Variants in ANAPC7 observed in about 807,000 individuals in gnomAD.
ANAPC7 encodes the protein anaphase promoting complex subunit 7.
A neutral mutation model predicts 63.3 loss-of-function variants in ANAPC7; 25 were observed. The observed-to-expected ratio is 0.39, with a 90% CI of 0.29 to 0.55. The LOEUF (loss-of-function observed/expected upper bound fraction) is 0.55. ANAPC7 is among the 20% of genes least tolerant of loss of function. The pLI is 0.57. For missense variants in ANAPC7, 516 were observed against 691.7 expected (o/e 0.75, Z 2.85); for synonymous variants, 241 against 251.7 (o/e 0.96, Z 0.40).
At chr12:110,393,791 C>A (rs193006432) in intron 3 of ANAPC7, among the ~76,000 whole-genome samples, 2 of 147,428 alleles carry the variant, frequency 1.4e-5, no homozygotes, top group Non-Finnish European at 3.0e-5. Flanking sequence ...TGCTTGAACC[C>A]GGGAGGCAGA....
At chr12:110,396,497 A>T in intron 1 of ANAPC7, 45 bp from the exon 2 acceptor site, 1 of 1,460,994 alleles carries the variant, frequency 6.8e-7, no homozygotes, top group South Asian at 1.3e-5. Flanking sequence ...CTCCCTTTCA[A>T]TCCAAGCTCC....
In ANAPC7 at chr12:110,373,494, T is replaced by C. The variant is rs1298623056; in HGVS notation, c.*650A>G. 1 of 152,142 alleles carries C rather than the reference T, an allele frequency of 6.6e-6. No individual in the cohort carries two copies. The highest frequency in any genetic ancestry group is 6.5e-5 in the Admixed American group (1 of 15,278). The allele number at this position is 152,142 out of a possible 1,614,324, so 9.4% of individuals were successfully genotyped here. The stretch of plus-strand genomic sequence containing the variant: ...CCAACACCATGACTGTACAAACCAG[T>C]TTTATTAGGGAACTGCCCCAGGTGC... On this transcript the variant is annotated 3_prime_UTR_variant, in exon 11 of 11. Transcript: ENST00000455511.
At chr12:110,394,561 G>A (rs1170282498) in intron 3 of ANAPC7, among the ~76,000 whole-genome samples, 1 of 151,034 alleles carries the variant, frequency 6.6e-6, no homozygotes, top group Non-Finnish European at 1.5e-5. Context: ...CTTGGGAGAT[G>A]GAGGTTGCAG....
chr12:110,388,797 T>C (rs756863104), intron 3 of ANAPC7, among the ~76,000 whole-genome samples, 174 bp from the exon 4 acceptor site: 12 of 152,118 alleles, frequency 7.9e-5, no homozygotes, highest in Non-Finnish European at 1.6e-4. Flanking sequence ...AAAGAAGAAA[T>C]TGGCCAGGTG....
At chr12:110,393,895 G>A (rs547178458) in intron 3 of ANAPC7, among the ~76,000 whole-genome samples, 2 of 146,226 alleles carry the variant, frequency 1.4e-5, no homozygotes, top group East Asian at 4.1e-4. Context: ...AAAAATAGCC[G>A]GACATGGTGG....
Position 110,373,927 on chromosome 12 carries a change from G to T in ANAPC7, c.*217C>A. Reference sequence around the variant, plus strand: ...TCGGGGCACTCCCTCAGTCCTCCCTGGCTGGAGCAGGGGAGGATGGAGATA... The same window carrying T: ...TCGGGGCACTCCCTCAGTCCTCCCTTGCTGGAGCAGGGGAGGATGGAGATA... On this transcript the variant is annotated 3_prime_UTR_variant, in exon 11 of 11. Transcript: ENST00000455511. The T allele has an allele frequency of 2.1e-6, 1 of 485,750 alleles. No individual in the cohort carries two copies. Among genetic ancestry groups the T allele is most frequent in the Non-Finnish European group, 3.5e-6 (1 of 286,916 alleles). 30.1% of individuals were successfully genotyped at this position (485,750 alleles called of 1,614,324 possible). A position where few individuals can be genotyped will look rare whatever the true frequency, so the allele number is the denominator to read the frequency against.
At chr12:110,377,136 C>CAAA (rs35149960) in intron 9 of ANAPC7, among the ~76,000 whole-genome samples, 14 of 46,382 alleles carry the variant, frequency 3.0e-4, no homozygotes, top group Non-Finnish European at 4.4e-4. Flanking sequence ...GATGCCGTCT[C>CAAA]AAAAAAAAAA....
intron 4 of ANAPC7, 103 bp downstream of exon 4, chr12:110,388,409 G>C: frequency 1.2e-5 from 10 of 805,448 alleles, no homozygotes; most frequent in Non-Finnish European, 2.0e-5. Flanking sequence ...CTCTTCAGGG[G>C]AACTTTTAAA....
At chr12:110,388,048 CTTTTT>C (rs1273344396) in intron 4 of ANAPC7, among the ~76,000 whole-genome samples, 156 bp from the exon 5 acceptor site, 1 of 152,106 alleles carries the variant, frequency 6.6e-6, no homozygotes, top group African/African-American at 2.4e-5. Context: ...TATTTCTTTT[CTTTTT>C]GAGACAGTGT....
chr12:110,403,127 G>T (rs1256315344), intron 1 of ANAPC7, among the ~76,000 whole-genome samples: 9 of 152,148 alleles, frequency 5.9e-5, no homozygotes, highest in Non-Finnish European at 7.4e-5. Context: ...GGGGGCTAGC[G>T]CATAAAAACC....
At position 110,400,965 on chromosome 12, in the gene ANAPC7, G is replaced by A. The variant is rs537709868; in HGVS notation, c.101+2562C>T. Among the ~76,000 whole-genome samples the A allele has an allele frequency of 1.8e-4, 27 of 152,062 alleles. No individual in the cohort carries two copies. In the South Asian group the frequency reaches 5.2e-3, roughly 29 times the overall value. On this transcript the variant is annotated intron_variant, in intron 1 of 10. Coordinates refer to ENST00000455511, the MANE Select transcript of ANAPC7 (RefSeq NM_016238.3). ...CTCAGGAGGCTGAGGTGGGAGGATC[G>A]ATTGAGCCTGGGAGGTGGAGGCTGT...
chr12:110,397,008 C>A lies in ANAPC7; in HGVS notation c.102-556G>T, dbSNP rs544914094. Among the ~76,000 whole-genome samples, 1,041 of 150,792 alleles carry A rather than the reference C, an allele frequency of 6.9e-3. 1 individual carries two copies. Among genetic ancestry groups the A allele is most frequent in the Non-Finnish European group, 9.4e-3 (639 of 67,696 alleles). On this transcript the variant is annotated intron_variant, in intron 1 of 10. Transcript: ENST00000455511. ...CTCGAGGTCAGGAGATCGAGACCAT[C>A]CTGGCTAACGCGGTGAAACCCCATC... is the stretch of plus-strand genomic sequence containing the variant.
chr12:110,387,263 G>GAGAGAGAGAGAGAC, intron 5 of ANAPC7: 1 of 116,584 alleles, frequency 8.6e-6, no homozygotes, highest in African/African-American at 3.4e-5. Context: ...GACAGAGAGA[G>GAGAGAGAGAGAGAC]AGAGAGAGAG....
chr12:110,394,843 C>G (rs1883432635), intron 3 of ANAPC7, among the ~76,000 whole-genome samples: 2 of 151,442 alleles, frequency 1.3e-5, no homozygotes, highest in South Asian at 4.2e-4. Context: ...GACTCTGTCT[C>G]AAAAAATATT....
rs1881386899 is a variant in ANAPC7, at chr12:110,377,379, T to C, written c.1357+14A>G. On this transcript the variant is annotated intron_variant, in intron 9 of 10. Transcript: ENST00000455511. ...AATTAATGATGAACAGGACAGAAAA[T>C]AAGACACACTTACTAAGTAGTTCTG... 1.9e-6 allele frequency: 3 copies of C among 1,606,166 alleles called. No individual in the cohort carries two copies. In the Admixed American group the frequency reaches 5.0e-5, roughly 27 times the overall value.
chr12:110,383,182 T>C, intron 6 of ANAPC7: 1 of 437,970 alleles, frequency 2.3e-6, no homozygotes, highest in Non-Finnish European at 4.1e-6. Flanking sequence ...CTCACACCTG[T>C]AATTCCAGCA....
chr12:110,393,209 TA>T (rs1883253456), intron 3 of ANAPC7, among the ~76,000 whole-genome samples: 1 of 152,192 alleles, frequency 6.6e-6, no homozygotes, highest in Admixed American at 6.6e-5. Flanking sequence ...CTTACAGTAT[TA>T]ATTTTCAAAA....
At chr12:110,395,440 G>A (rs1277940387) in intron 2 of ANAPC7, among the ~76,000 whole-genome samples, 1 of 151,562 alleles carries the variant, frequency 6.6e-6, no homozygotes, top group African/African-American at 2.4e-5. Context: ...TTGGCCTTCT[G>A]AGTACTACAG....
intron 3 of ANAPC7, among the ~76,000 whole-genome samples, chr12:110,389,223 C>G (rs1882890930): frequency 6.6e-6 from 1 of 151,970 alleles, no homozygotes; most frequent in Admixed American, 6.6e-5. Context: ...CCTCTGGAAA[C>G]TGGAATAACA....
Sources: gnomAD v4.1 joint callset for allele counts (sites outside exome capture counted in the v4.1 genomes callset) on GRCh38, gnomAD v4.1.1 for gene constraint, MANE v1.5 for transcripts, NCBI Gene and HGNC (gene_info 2026-07-23, HGNC 2026-07-21) for gene names.